Variants in CSMD1 observed in about 807,000 individuals in gnomAD.
CSMD1 encodes CUB and sushi domain-containing protein 1.
In CSMD1, 213 loss-of-function variants were observed where a neutral mutation model predicts 417.5. The observed-to-expected ratio is 0.51, with a 90% CI of 0.46 to 0.57. The LOEUF (loss-of-function observed/expected upper bound fraction) is 0.57, where lower values mean the gene tolerates loss of function less well. Among genes scored for constraint, CSMD1 ranks in the 20% least tolerant of loss-of-function variants. The pLI, the probability that CSMD1 is intolerant of heterozygous loss-of-function variation, is 0.00. For synonymous variants in CSMD1, 2,862 were observed against 1,736.8 expected (o/e 1.65, Z -16.11); for missense variants, 6,923 against 4,529.7 (o/e 1.53, Z -15.17).
chr8:3,321,490 C>G (rs1030452191), intron 23 of CSMD1, among the ~76,000 whole-genome samples: 1 of 152,256 alleles, frequency 6.6e-6, no homozygotes, highest in African/African-American at 2.4e-5. Flanking sequence ...ATGACAGGTG[C>G]TCTGCGTGTA....
At chr8:4,755,816 CTTAT>C (rs531102842) in intron 1 of CSMD1, among the ~76,000 whole-genome samples, 44 of 152,248 alleles carry the variant, frequency 2.9e-4, no homozygotes, top group African/African-American at 1.0e-3. Context: ...ACGACACTAT[CTTAT>C]TGTTACATTA....
At chr8:4,905,374 A>C (rs1452362783) in intron 1 of CSMD1, among the ~76,000 whole-genome samples, 1 of 152,088 alleles carries the variant, frequency 6.6e-6, no homozygotes, top group Non-Finnish European at 1.5e-5. Context: ...ATAGATTTAT[A>C]AAATATATAT....
At chr8:3,444,696 A>G (rs957223397) in intron 12 of CSMD1, among the ~76,000 whole-genome samples, 5 of 152,192 alleles carry the variant, frequency 3.3e-5, no homozygotes, top group African/African-American at 1.2e-4. Context: ...TGAGGAGGCT[A>G]TGAAAACTTC....
At chr8:4,533,941 T>C (rs1035599289) in intron 2 of CSMD1, among the ~76,000 whole-genome samples, 2 of 148,760 alleles carry the variant, frequency 1.3e-5, no homozygotes, top group South Asian at 2.1e-4. Flanking sequence ...ATATATAATA[T>C]ACATATTTAT....
intron 3 of CSMD1, among the ~76,000 whole-genome samples, chr8:4,109,905 G>C (rs140691038): frequency 1.3e-5 from 2 of 152,052 alleles, no homozygotes; most frequent in Non-Finnish European, 2.9e-5. Context: ...TCTTTTCCAG[G>C]CAATTTGGGC....
intron 3 of CSMD1, among the ~76,000 whole-genome samples, chr8:4,164,739 T>C (rs1797357335): frequency 6.6e-6 from 1 of 151,978 alleles, no homozygotes; most frequent in Non-Finnish European, 1.5e-5. Flanking sequence ...ATTTAAAAAA[T>C]ACAGTTTGTG....
At chr8:3,326,035 T>C (rs1419645290) in intron 23 of CSMD1, among the ~76,000 whole-genome samples, 3 of 152,164 alleles carry the variant, frequency 2.0e-5, no homozygotes, top group African/African-American at 7.2e-5. Context: ...TTTGAGGGCA[T>C]GACAGCGGTC....
intron 5 of CSMD1, among the ~76,000 whole-genome samples, chr8:3,964,827 C>G (rs996705917): frequency 1.3e-5 from 2 of 152,178 alleles, no homozygotes; most frequent in East Asian, 1.9e-4. Flanking sequence ...TGAAATAATA[C>G]ACGGTTATTC....
chr8:4,044,642 C>T (rs927471914), intron 3 of CSMD1, among the ~76,000 whole-genome samples: 1 of 152,204 alleles, frequency 6.6e-6, no homozygotes, highest in Non-Finnish European at 1.5e-5. Flanking sequence ...ATAGCGCACC[C>T]TGTACGTGTA....
intron 18 of CSMD1, chr8:3,373,449 T>G (rs1810103268): frequency 1.3e-5 from 2 of 152,204 alleles, no homozygotes; most frequent in Non-Finnish European, 1.5e-5. Flanking sequence ...CATGAAGACT[T>G]TACATAAAAG....
intron 38 of CSMD1, among the ~76,000 whole-genome samples, chr8:3,158,531 A>C (rs1819678516): frequency 6.6e-6 from 1 of 152,094 alleles, no homozygotes; most frequent in Non-Finnish European, 1.5e-5. Flanking sequence ...ACATCACAAC[A>C]ACCTGCCTGC....
intron 2 of CSMD1, among the ~76,000 whole-genome samples, chr8:4,545,304 A>C (rs1232068906): frequency 6.6e-6 from 1 of 152,214 alleles, no homozygotes; most frequent in Non-Finnish European, 1.5e-5. Context: ...AAAATGACTC[A>C]ACAGTTTCTA....
At chr8:2,973,008 T>C in intron 57 of CSMD1, 109 bp downstream of exon 57, 1 of 1,039,792 alleles carries the variant, frequency 9.6e-7, no homozygotes, top group Non-Finnish European at 1.4e-6. Flanking sequence ...GATTTAATTG[T>C]ATAAATAGTA....
chr8:3,405,818 G>A (rs569317756), intron 15 of CSMD1, among the ~76,000 whole-genome samples: 17 of 152,144 alleles, frequency 1.1e-4, no homozygotes, highest in Non-Finnish European at 2.5e-4. Flanking sequence ...CAGAGTTCCA[G>A]AAGGACCCCA....
chr8:3,810,003 C>A (rs991516844), intron 5 of CSMD1, among the ~76,000 whole-genome samples: 3 of 152,200 alleles, frequency 2.0e-5, no homozygotes, highest in African/African-American at 7.2e-5. Context: ...CCAGCTCTGA[C>A]TGCCACATGC....
chr8:4,193,682 A>G (rs1799169203), intron 3 of CSMD1, among the ~76,000 whole-genome samples: 1 of 152,166 alleles, frequency 6.6e-6, no homozygotes. Flanking sequence ...ACCACAGCTC[A>G]ACAAAGATAA....
At chr8:4,161,361 T>G (rs901361125) in intron 3 of CSMD1, among the ~76,000 whole-genome samples, 1 of 152,208 alleles carries the variant, frequency 6.6e-6, no homozygotes, top group African/African-American at 2.4e-5. Context: ...ACTGTAAAAA[T>G]GCAGGCTTTC....
At chr8:4,555,778 C>T (rs1798062342) in intron 2 of CSMD1, among the ~76,000 whole-genome samples, 1 of 152,008 alleles carries the variant, frequency 6.6e-6, no homozygotes, top group Non-Finnish European at 1.5e-5. Flanking sequence ...CAAAATAATA[C>T]TGAGATTGAA....
chr8:4,986,169 A>T (rs911440277), intron 1 of CSMD1, among the ~76,000 whole-genome samples: 1 of 152,120 alleles, frequency 6.6e-6, no homozygotes, highest in Non-Finnish European at 1.5e-5. Context: ...GTGAAGATAG[A>T]CTCTAACTTC....
Sources: allele counts gnomAD v4.1 joint callset (sites outside exome capture counted in the v4.1 genomes callset), GRCh38; gene constraint gnomAD v4.1.1; transcripts MANE v1.5; gene names NCBI Gene and HGNC (gene_info 2026-07-23, HGNC 2026-07-21).